The following MFHAS1 variants were observed in gnomAD, a reference collection of about 807,000 sequenced individuals.
MFHAS1 encodes malignant fibrous histiocytoma-amplified sequence 1.
A neutral mutation model predicts 70.4 loss-of-function variants in MFHAS1; 50 were observed. The ratio of observed to expected loss-of-function variants is 0.71; its 90% confidence interval spans 0.57 to 0.90. The LOEUF (loss-of-function observed/expected upper bound fraction) is 0.90. Among genes scored for constraint, MFHAS1 ranks in the 40% least tolerant of loss-of-function variants. The pLI, the probability that MFHAS1 is intolerant of heterozygous loss-of-function variation, is 0.00. For synonymous variants in MFHAS1, 952 were observed against 620.0 expected (o/e 1.54, Z -7.96); for missense variants, 1,795 against 1,347.6 (o/e 1.33, Z -5.20).
chr8:8,856,979 T>TG (rs1808466387), intron 1 of MFHAS1, among the ~76,000 whole-genome samples: 1 of 20,146 alleles, frequency 5.0e-5, no homozygotes, highest in African/African-American at 2.7e-4. Flanking sequence ...ATCAGGAAAG[T>TG]GAAAAAAAAA....
At chr8:8,888,258 C>A (rs1809846274) in intron 1 of MFHAS1, among the ~76,000 whole-genome samples, 1 of 152,142 alleles carries the variant, frequency 6.6e-6, no homozygotes, top group Non-Finnish European at 1.5e-5. Flanking sequence ...AGATCCAGGG[C>A]AACGGAAAGA....
chr8:8,794,794 C>G (rs1352933047), intron 2 of MFHAS1, among the ~76,000 whole-genome samples: 1 of 152,138 alleles, frequency 6.6e-6, no homozygotes, highest in Non-Finnish European at 1.5e-5. Flanking sequence ...GGTTCAATGC[C>G]TAAAGAGGCT....
rs1030502062 is a variant in MFHAS1 at position 8,869,561 on chromosome 8, A to G, written c.2998+20500T>C. On this transcript the variant is annotated intron_variant, in intron 1 of 2. Transcript: ENST00000276282. ...GCACTGCTTACAAACCTAAGACTAT[A>G]TATCTCCTGGAATTCACCTGGTATC... is the stretch of plus-strand genomic sequence containing the variant. 2.6e-5 allele frequency among the ~76,000 whole-genome samples: 4 copies of G among 152,138 alleles called. No individual in the cohort carries two copies. In the South Asian group the frequency reaches 6.2e-4, roughly 24 times the overall value.
intron 1 of MFHAS1, among the ~76,000 whole-genome samples, chr8:8,825,553 G>A (rs553185774): frequency 2.6e-4 from 39 of 152,238 alleles, no homozygotes; most frequent in Admixed American, 1.5e-3. Flanking sequence ...TTTCTTCTGA[G>A]GCCTCTCTCC....
At position 8,890,086 on chromosome 8, in the gene MFHAS1, T is replaced by A. The variant is rs1185165952; in HGVS notation, c.2973A>T (p.Gly991=). ...HILCSKCLKR[G]SPNPHAFPGE... ...CTGGAAAAGCATGTGGATTGGGCGA[T>A]CCTCTCTTAAGGCACTTAGAACAGA... Residue 991 remains glycine (G), a synonymous_variant, in exon 1 of 3, where the codon GGA becomes GGT. Transcript: ENST00000276282. 6.2e-7 allele frequency: 1 copy of A among 1,607,638 alleles called. No homozygotes were observed. The highest frequency in any genetic ancestry group is 2.2e-5 in the East Asian group (1 of 44,768).
At chr8:8,860,962 T>G (rs1392065622) in intron 1 of MFHAS1, among the ~76,000 whole-genome samples, 1 of 152,230 alleles carries the variant, frequency 6.6e-6, no homozygotes, top group Non-Finnish European at 1.5e-5. Flanking sequence ...TTATAATCAC[T>G]GCAATGGACA....
At position 8,845,720 on chromosome 8, in the gene MFHAS1, G is replaced by C. The variant is rs554384515; in HGVS notation, c.2998+44341C>G. On this transcript the variant is annotated intron_variant, in intron 1 of 2. Transcript: ENST00000276282. ...ACACTTATCCCTATAGAAAAGCATA[G>C]AGAAGACTGAATGAGACAATAATAG... Among the ~76,000 whole-genome samples the C allele has an allele frequency of 3.3e-5, 5 of 152,264 alleles. No individual in the cohort carries two copies. In the South Asian group the frequency reaches 8.3e-4, roughly 25 times the overall value.
chr8:8,868,756 T>A (rs772057615), intron 1 of MFHAS1, among the ~76,000 whole-genome samples: 5 of 152,180 alleles, frequency 3.3e-5, no homozygotes, highest in Admixed American at 1.3e-4. Flanking sequence ...AAAGAAGTTA[T>A]AAATGACTAT....
intron 1 of MFHAS1, among the ~76,000 whole-genome samples, chr8:8,810,529 C>T (rs1202613812): frequency 2.6e-5 from 4 of 152,144 alleles, no homozygotes; most frequent in East Asian, 1.9e-4. Flanking sequence ...AATACGAAGA[C>T]GATGATGAAG....
chr8:8,880,846 G>C (rs1809493476), intron 1 of MFHAS1, among the ~76,000 whole-genome samples: 1 of 152,000 alleles, frequency 6.6e-6, no homozygotes, highest in African/African-American at 2.4e-5. Context: ...CACCACACCT[G>C]GCTAATTTTT....
chr8:8,865,058 T>C (rs1398690772), intron 1 of MFHAS1, among the ~76,000 whole-genome samples: 3 of 151,976 alleles, frequency 2.0e-5, no homozygotes, highest in East Asian at 3.9e-4. Flanking sequence ...GGTGGATCAC[T>C]TGAGGTCAGC....
chr8:8,892,772 C>A lies in MFHAS1; in HGVS notation c.287G>T (p.Arg96Met). ...LGSLRVLVLR[R>M]NRFARLPPAV... is the part of the protein sequence containing the mutation. ...CGGGGGCAGCCGGGCGAAGCGGTTCCTGCGCAGGACCAGGACGCGCAGGCT... is the reference window on the plus strand; with the variant it reads ...CGGGGGCAGCCGGGCGAAGCGGTTCATGCGCAGGACCAGGACGCGCAGGCT... Residue 96 changes from arginine to methionine, a missense_variant, in exon 1 of 3, where the codon AGG becomes ATG. By Grantham distance (91) the Arg-to-Met change is moderately conservative (BLOSUM62 -1). Transcript: ENST00000276282. The surrounding 1 kb of genome is among the most constrained non-coding windows in gnomAD (Gnocchi z 4.7). 1 of 1,582,544 alleles carries A rather than the reference C, an allele frequency of 6.3e-7. No individual in the cohort carries two copies.
At chr8:8,885,588 T>C (rs980384421) in intron 1 of MFHAS1, among the ~76,000 whole-genome samples, 4 of 151,980 alleles carry the variant, frequency 2.6e-5, no homozygotes, top group Non-Finnish European at 4.4e-5. Flanking sequence ...AAGAAGAAAC[T>C]TGCTCTAAGA....
chr8:8,869,819 A>C lies in MFHAS1; in HGVS notation c.2998+20242T>G, dbSNP rs144326140. ...GGAGCCTGGGAAGGTTCAAGAGCTC[A>C]GAGCTAGGAGGAGAGAGGCCCAGGA... On this transcript the variant is annotated intron_variant, in intron 1 of 2. Transcript: ENST00000276282. Among the ~76,000 whole-genome samples, 738 of 152,318 alleles carry C rather than the reference A, an allele frequency of 4.8e-3. 6 individuals carry two copies. The highest frequency in any genetic ancestry group is 0.017 in the African/African-American group (695 of 41,584).
At chr8:8,861,720 C>G (rs1206581082) in intron 1 of MFHAS1, among the ~76,000 whole-genome samples, 2 of 152,084 alleles carry the variant, frequency 1.3e-5, no homozygotes, top group Admixed American at 1.3e-4. Context: ...CTCTTGTACC[C>G]CTCTGCAGTA....
At chr8:8,786,453 TAGA>T (rs1183558356) in intron 2 of MFHAS1, among the ~76,000 whole-genome samples, 1 of 152,198 alleles carries the variant, frequency 6.6e-6, no homozygotes, top group Non-Finnish European at 1.5e-5. Context: ...AATAATCCTC[TAGA>T]AGAAGGAATA....
chr8:8,865,389 G>A (rs1325049012), intron 1 of MFHAS1, among the ~76,000 whole-genome samples: 1 of 150,812 alleles, frequency 6.6e-6, no homozygotes, highest in Non-Finnish European at 1.5e-5. Flanking sequence ...AAACTCAAAA[G>A]GCAAAAATCA....
chr8:8,827,001 T>A (rs1242826063), intron 1 of MFHAS1, among the ~76,000 whole-genome samples: 1 of 152,182 alleles, frequency 6.6e-6, no homozygotes, highest in African/African-American at 2.4e-5. Flanking sequence ...GGTAAATACA[T>A]TCCCTTCATT....
chr8:8,882,883 T>A (rs112762489), intron 1 of MFHAS1, among the ~76,000 whole-genome samples: 28 of 152,174 alleles, frequency 1.8e-4, no homozygotes, highest in African/African-American at 6.8e-4. Context: ...CTGGGTGCGG[T>A]GGCTCATGCC....
Sources: gnomAD v4.1 joint callset for allele counts (sites outside exome capture counted in the v4.1 genomes callset) on GRCh38, gnomAD v4.1.1 for gene constraint, Gnocchi (gnomAD v3.1) non-coding constraint, MANE v1.5 for transcripts, NCBI Gene and HGNC (gene_info 2026-07-23, HGNC 2026-07-21) for gene names.